The following CYTH4 variants were observed in gnomAD, a reference collection of about 807,000 sequenced individuals.
The protein encoded by CYTH4 is cytohesin 4, also known as cytohesin-4.
In CYTH4, 22 loss-of-function variants were observed where a neutral mutation model predicts 57.5. That is an observed-to-expected ratio of 0.38 (90% CI 0.27 to 0.55). The LOEUF (loss-of-function observed/expected upper bound fraction) is 0.55, where lower values mean the gene tolerates loss of function less well. Among genes scored for constraint, CYTH4 ranks in the 20% least tolerant of loss-of-function variants. The pLI is 0.74. For synonymous variants in CYTH4, 186 were observed against 206.5 expected (o/e 0.90, Z 0.85); for missense variants, 420 against 535.6 (o/e 0.78, Z 2.13).
At chr22:37,285,404 T>A (rs1342636500) in intron 1 of CYTH4, among the ~76,000 whole-genome samples, 1 of 152,072 alleles carries the variant, frequency 6.6e-6, no homozygotes, top group East Asian at 1.9e-4. Flanking sequence ...TTATTATTAG[T>A]ATTTAAAAAT....
rs1928774555 is a variant in CYTH4, at chr22:37,292,341, G to A, written c.20-280G>A. 6.9e-6 allele frequency: 3 copies of A among 433,096 alleles called. No homozygotes were observed. In the South Asian group the frequency reaches 1.1e-4, roughly 16 times the overall value. 26.8% of individuals were successfully genotyped at this position (433,096 alleles called of 1,614,324 possible). On this transcript the variant is annotated intron_variant, in intron 1 of 12. Coordinates refer to ENST00000248901, the MANE Select transcript of CYTH4 (RefSeq NM_013385.5). ...AAGAGTAGAACAACTGAACTCTCATGGAGCCGAGAGTCTAGCGGGAGGGAC... is the reference window on the plus strand; with the variant it reads ...AAGAGTAGAACAACTGAACTCTCATAGAGCCGAGAGTCTAGCGGGAGGGAC...
intron 2 of CYTH4, among the ~76,000 whole-genome samples, chr22:37,294,002 C>T (rs1233849446): frequency 6.6e-6 from 1 of 151,324 alleles, no homozygotes; most frequent in African/African-American, 2.4e-5. Context: ...AGGCACATAG[C>T]GGGCACTTAG....
intron 7 of CYTH4, among the ~76,000 whole-genome samples, chr22:37,302,922 C>T (rs1274489856): frequency 2.0e-5 from 3 of 150,830 alleles, no homozygotes; most frequent in Middle Eastern, 3.4e-3. Flanking sequence ...GCTGGAAGGG[C>T]TCTGCGGGGA....
At chr22:37,309,358 C>G in intron 9 of CYTH4, 35 bp downstream of exon 9, 1 of 1,579,368 alleles carries the variant, frequency 6.3e-7, no homozygotes. Context: ...GTCGCACACA[C>G]ACTCATGCAC....
intron 1 of CYTH4, among the ~76,000 whole-genome samples, chr22:37,285,031 C>G (rs968783248): frequency 1.3e-5 from 2 of 152,204 alleles, no homozygotes; most frequent in African/African-American, 4.8e-5. Flanking sequence ...CCACCCACAC[C>G]CCCTCTGCCC....
intron 12 of CYTH4, 73 bp from the exon 13 acceptor site, chr22:37,313,366 A>G: frequency 6.8e-7 from 1 of 1,479,592 alleles, no homozygotes; most frequent in Non-Finnish European, 9.4e-7. Flanking sequence ...CATGCCCCTG[A>G]TACAAGCCCT....
chr22:37,283,357 C>T, intron 1 of CYTH4, among the ~76,000 whole-genome samples: 1 of 152,108 alleles, frequency 6.6e-6, no homozygotes, highest in Non-Finnish European at 1.5e-5. Flanking sequence ...GGTAGAGGGG[C>T]CAAGTTTCTG....
At position 37,314,207 on chromosome 22, in the gene CYTH4, C is replaced by G. The variant is rs149182012; in HGVS notation, c.*696C>G. 1 of 397,222 alleles carries G rather than the reference C, an allele frequency of 2.5e-6. No individual in the cohort carries two copies. The highest frequency in any genetic ancestry group is 2.1e-5 in the African/African-American group (1 of 48,750). 24.6% of individuals were successfully genotyped at this position (397,222 alleles called of 1,614,324 possible). On this transcript the variant is annotated 3_prime_UTR_variant, in exon 13 of 13. Coordinates refer to ENST00000248901, the MANE Select transcript of CYTH4 (RefSeq NM_013385.5). Reference sequence around the variant, plus strand: ...GTGTTTGGACTAGAAACGTATTGGCCCCTGCTAGCCCTGTGCTCCAGCTTC... The same window carrying G: ...GTGTTTGGACTAGAAACGTATTGGCGCCTGCTAGCCCTGTGCTCCAGCTTC...
rs1023448644 is a variant in CYTH4, at chr22:37,310,989, G to A, written c.810G>A (p.Gly270=). ...PDREGWLLKL[G]GRVKTWKRRW... is the part of the protein sequence containing the mutation. ...GCTTGCTACATTGGCCTTGCGCAGGGGGCCGCGTGAAGACGTGGAAACGGC... is the reference window on the plus strand; with the variant it reads ...GCTTGCTACATTGGCCTTGCGCAGGAGGCCGCGTGAAGACGTGGAAACGGC... The change falls in exon 10 of 13, where the codon GGG becomes GGA. Residue 270 remains glycine (G), a splice_region_variant and synonymous_variant. Coordinates refer to ENST00000248901, the MANE Select transcript of CYTH4 (RefSeq NM_013385.5). 2 of 1,614,142 alleles carry A rather than the reference G, an allele frequency of 1.2e-6. No individual in the cohort carries two copies. Among genetic ancestry groups the A allele is most frequent in the Admixed American group, 1.7e-5 (1 of 60,012 alleles).
chr22:37,292,358 G>A (rs541365218), intron 1 of CYTH4: 11 of 472,724 alleles, frequency 2.3e-5, no homozygotes, highest in Middle Eastern at 5.4e-4. Flanking sequence ...AGAGTCTAGC[G>A]GGAGGGACAG....
At chr22:37,284,624 G>A (rs1036707779) in intron 1 of CYTH4, among the ~76,000 whole-genome samples, 11 of 152,182 alleles carry the variant, frequency 7.2e-5, no homozygotes, top group African/African-American at 2.2e-4. Context: ...CTGGGGAAGC[G>A]GGGATTGGGA....
chr22:37,309,830 G>C (rs994812422), intron 9 of CYTH4: 3 of 316,852 alleles, frequency 9.5e-6, no homozygotes, highest in African/African-American at 2.2e-5. Flanking sequence ...TGTGGCTTAG[G>C]GGGAGGCTCC....
In CYTH4 at chr22:37,311,525, C is replaced by G. The variant is rs1017645129; in HGVS notation, c.955C>G (p.Pro319Ala). The G allele has an allele frequency of 6.2e-7, 1 of 1,613,776 alleles. No homozygotes were observed. The highest frequency in any genetic ancestry group is 1.3e-5 in the African/African-American group (1 of 74,922). Residue 319 changes from proline to alanine, a missense_variant and splice_region_variant, in exon 11 of 13, where the codon CCA (proline) becomes GCA (alanine). Pro to Ala is a conservative substitution (Grantham distance 27). Transcript: ENST00000248901. This position sits in a 1 kb window ranked among gnomAD's most constrained non-coding sequence, Gnocchi z 4.4. ...SVQKVDDPKK[P>A]FCLELYNPSC... ...GCAGAAGGTGGATGACCCCAAGAAG[C>G]CAGTAGGTGTTCAGGTTGCAGGATC...
intron 8 of CYTH4, among the ~76,000 whole-genome samples, chr22:37,304,489 G>GC (rs1303702634): frequency 6.6e-6 from 1 of 152,130 alleles, no homozygotes; most frequent in Non-Finnish European, 1.5e-5. Flanking sequence ...ATTCCCCAGA[G>GC]CCCCCTGAGC....
chr22:37,311,629 G>A lies in CYTH4; in HGVS notation c.957+102G>A. On this transcript the variant is annotated intron_variant, in intron 11 of 12. Transcript: ENST00000248901. The surrounding 1 kb of genome is among the most constrained non-coding windows in gnomAD (Gnocchi z 4.4). ...GAGGCTGGGCTCTCCAGGAAGCCAGGCTGTGCCCCTTACACCTTCCCTGTG... is the reference window on the plus strand; with the variant it reads ...GAGGCTGGGCTCTCCAGGAAGCCAGACTGTGCCCCTTACACCTTCCCTGTG... 4 of 1,218,418 alleles carry A rather than the reference G, an allele frequency of 3.3e-6. No homozygotes were observed. The South Asian group carries it at 4.9e-5, about 15-fold the overall frequency. The allele number at this position is 1,218,418 out of a possible 1,614,324, so 75.5% of individuals were successfully genotyped here. A position where few individuals can be genotyped will look rare whatever the true frequency, so the allele number is the denominator to read the frequency against.
At position 37,289,445 on chromosome 22, in the gene CYTH4, G is replaced by A. The variant is rs56340477; in HGVS notation, c.20-3176G>A. Among the ~76,000 whole-genome samples the A allele has an allele frequency of 7.7e-3, 1,171 of 152,316 alleles. 21 individuals are homozygous for A. The highest frequency in any genetic ancestry group is 0.027 in the African/African-American group (1,132 of 41,540). ...AGGACTGTAGTTCAGTAGCTGCCTG[G>A]TTTTCACTTGCGCCCAAACTCTGAG... On this transcript the variant is annotated intron_variant, in intron 1 of 12. Coordinates refer to ENST00000248901, the MANE Select transcript of CYTH4 (RefSeq NM_013385.5).
At chr22:37,310,814 A>G (rs1348412671) in intron 9 of CYTH4, among the ~76,000 whole-genome samples, 174 bp from the exon 10 acceptor site, 1 of 152,202 alleles carries the variant, frequency 6.6e-6, no homozygotes, top group Non-Finnish European at 1.5e-5. Flanking sequence ...TACAGGAGCC[A>G]CTAAGGTTCT....
chr22:37,313,991 G>T lies in CYTH4; in HGVS notation c.*480G>T, dbSNP rs555718368. 1.2e-5 allele frequency: 3 copies of T among 254,402 alleles called. No individual in the cohort carries two copies. The South Asian group carries it at 3.4e-4, about 29-fold the overall frequency. The allele number at this position is 254,402 out of a possible 1,614,324, so 15.8% of individuals were successfully genotyped here. A position where few individuals can be genotyped will look rare whatever the true frequency, so the allele number is the denominator to read the frequency against. The stretch of plus-strand genomic sequence containing the variant: ...CAACCCCTCCCCTGTCCTCGGGTTG[G>T]GCTTGGCCCTCTCTGCCTGAGAGAG... On this transcript the variant is annotated 3_prime_UTR_variant, in exon 13 of 13. Coordinates refer to ENST00000248901, the MANE Select transcript of CYTH4 (RefSeq NM_013385.5).
chr22:37,300,748 T>C, intron 6 of CYTH4, 159 bp from the exon 7 acceptor site: 1 of 627,846 alleles, frequency 1.6e-6, no homozygotes, highest in Middle Eastern at 4.2e-4. Context: ...TGCTTGGGGC[T>C]CCCTGGTGCC....
Sources: allele counts gnomAD v4.1 joint callset (sites outside exome capture counted in the v4.1 genomes callset), GRCh38; gene constraint gnomAD v4.1.1; non-coding constraint Gnocchi (gnomAD v3.1); transcripts MANE v1.5; gene names NCBI Gene and HGNC (gene_info 2026-07-23, HGNC 2026-07-21).